TKT: variants seen among roughly 807,000 people sequenced by gnomAD.
The protein encoded by TKT is transketolase, also known as epididymis luminal protein 107.
Under a neutral mutation model 63.9 loss-of-function variants are expected in TKT, and 47 were observed. That is an observed-to-expected ratio of 0.74 (90% CI 0.58 to 0.94). TKT has a LOEUF of 0.94. TKT is among the 40% of genes least tolerant of loss of function. The pLI, the probability that TKT is intolerant of heterozygous loss-of-function variation, is 0.00. For missense variants in TKT, 721 were observed against 846.2 expected (o/e 0.85, Z 1.84); for synonymous variants, 338 against 334.1 (o/e 1.01, Z -0.13).
intron 6 of TKT, chr3:53,232,907 A>C (rs1382476480): frequency 1.5e-5 from 7 of 481,754 alleles, no homozygotes; most frequent in Admixed American, 8.1e-5. Context: ...TCACCCACAG[A>C]CCCTCCAAGT....
rs782568850 is a variant in TKT, at chr3:53,235,009, G to C, written c.603C>G (p.Ile201Met). The change falls in exon 5 of 14, where the codon ATC becomes ATG. Residue 201 changes from isoleucine (I) to methionine (M), a missense_variant. By Grantham distance (10) the Ile-to-Met change is conservative. Transcript: ENST00000462138. ...CGAAGGCCTCGCACCGCTTCTGGTAGATGTCCATCTGGTGCTGCAGTGGGG... is the reference window on the plus strand; with the variant it reads ...CGAAGGCCTCGCACCGCTTCTGGTACATGTCCATCTGGTGCTGCAGTGGGG... ...DPAPLQHQMD[I>M]YQKRCEAFGW... The C allele has an allele frequency of 3.1e-6, 5 of 1,613,810 alleles. No individual in the cohort carries two copies. The South Asian group carries it at 4.4e-5, about 14-fold the overall frequency.
In TKT at chr3:53,231,373, T is replaced by C; in HGVS notation, c.926A>G (p.Tyr309Cys). The change falls in exon 7 of 14, where the codon TAC becomes TGC. Residue 309 changes from tyrosine (Y) to cysteine (C), a missense_variant. Coordinates refer to ENST00000462138, the MANE Select transcript of TKT (RefSeq NM_001064.4). ...ANIRMPSLPS[Y>C]KVGDKIATRK... ...ACTTTGTACCTTGTCCCCAACTTTG[T>C]AGCTGGGCAGGCTGGGCATGCGGAT... 6.2e-7 allele frequency: 1 copy of C among 1,613,538 alleles called. No individual in the cohort carries two copies. Among genetic ancestry groups the C allele is most frequent in the East Asian group, 2.2e-5 (1 of 44,886 alleles).
rs1406480270 is a variant in TKT, at chr3:53,226,678, CAGAT to C, written c.1696+74_1696+77del. 1.1e-5 allele frequency: 17 copies of C among 1,603,052 alleles called. No individual in the cohort carries two copies. In the African/African-American group the frequency reaches 1.5e-4, roughly 14 times the overall value. Reference sequence around the variant, plus strand: ...GGGCCACAGCTGCCCTCCTGGGGCTCAGATAGAAGAGGCACGTCCAACGCTCGGC... The same window carrying C: ...GGGCCACAGCTGCCCTCCTGGGGCTCAGAAGAGGCACGTCCAACGCTCGGC... On this transcript the variant is annotated intron_variant, in intron 13 of 13. Coordinates refer to ENST00000462138, the MANE Select transcript of TKT (RefSeq NM_001064.4).
chr3:53,230,211 A>G (rs1338109484), intron 8 of TKT, among the ~76,000 whole-genome samples: 1 of 152,198 alleles, frequency 6.6e-6, no homozygotes, highest in Non-Finnish European at 1.5e-5. Flanking sequence ...GCTCCTCCTG[A>G]GAGCACCTGC....
At chr3:53,226,963 G>A in intron 12 of TKT, 85 bp from the exon 13 acceptor site, 1 of 1,500,222 alleles carries the variant, frequency 6.7e-7, no homozygotes, top group Non-Finnish European at 9.0e-7. Context: ...GACATCCTGA[G>A]GGCTGCGTGT....
chr3:53,230,851 AG>A (rs1704724695), intron 7 of TKT, among the ~76,000 whole-genome samples: 1 of 152,272 alleles, frequency 6.6e-6, no homozygotes, highest in Non-Finnish European at 1.5e-5. Context: ...TATAAGCTAC[AG>A]AAGACACCCA....
intron 1 of TKT, among the ~76,000 whole-genome samples, chr3:53,245,577 G>A (rs897905251): frequency 7.2e-5 from 11 of 152,034 alleles, no homozygotes; most frequent in Non-Finnish European, 1.6e-4. Flanking sequence ...TGAGGTCAGC[G>A]GCTCAAAGAC....
rs1179292955 is a variant in TKT at position 53,252,605 on chromosome 3, G to GGACACCACAGTAT, written c.107+3218_107+3230dup. On this transcript the variant is annotated intron_variant, in intron 1 of 13. Transcript: ENST00000462138. ...ACAATGTAAACATGGTGTAACTCTC[G>GGACACCACAGTAT]GACACCACAGTATGTTTCCGGAGGG... Among the ~76,000 whole-genome samples, 4 of 152,060 alleles carry GGACACCACAGTAT rather than the reference G, an allele frequency of 2.6e-5. No homozygotes were observed. In the East Asian group the frequency reaches 7.7e-4, roughly 29 times the overall value.
chr3:53,231,880 C>G, intron 6 of TKT: 1 of 341,808 alleles, frequency 2.9e-6, no homozygotes. Context: ...TTCTCTTCCT[C>G]CCCACAACCC....
At chr3:53,232,478 G>A (rs1017099544) in intron 6 of TKT, 1 of 398,832 alleles carries the variant, frequency 2.5e-6, no homozygotes, top group Non-Finnish European at 4.4e-6. Context: ...CAGGCCCTGG[G>A]ATCAGCCCCC....
intron 4 of TKT, among the ~76,000 whole-genome samples, chr3:53,238,896 C>T (rs775981630): frequency 1.3e-5 from 2 of 152,224 alleles, no homozygotes; most frequent in South Asian, 2.1e-4. Flanking sequence ...GGCCTAGCCC[C>T]CAAAGGGCAA....
At chr3:53,226,542 A>G in intron 13 of TKT, 2 of 583,842 alleles carry the variant, frequency 3.4e-6, no homozygotes, top group Non-Finnish European at 2.9e-6. Context: ...GGGCAGCAGG[A>G]GCTCCACAGA....
Position 53,226,346 on chromosome 3 carries a change from C to G in TKT, c.1696+410G>C. 3 of 257,570 alleles carry G rather than the reference C, an allele frequency of 1.2e-5. No homozygotes were observed. The South Asian group carries it at 1.7e-4, about 15-fold the overall frequency. The allele number at this position is 257,570 out of a possible 1,614,324, so 16.0% of individuals were successfully genotyped here. On this transcript the variant is annotated intron_variant, in intron 13 of 13. Transcript: ENST00000462138. Reference sequence around the variant, plus strand: ...TTGACCCCAGAGTCAAAGCCCATCTCTCCCACTGGGGCCTCCTACTTAGAG... The same window carrying G: ...TTGACCCCAGAGTCAAAGCCCATCTGTCCCACTGGGGCCTCCTACTTAGAG...
At chr3:53,243,640 G>C (rs782324971) in intron 1 of TKT, 1 of 456,426 alleles carries the variant, frequency 2.2e-6, no homozygotes. Flanking sequence ...AGGGAGGGGA[G>C]GACATGGTAA....
intron 12 of TKT, 28 bp from the exon 13 acceptor site, chr3:53,226,906 G>A: frequency 6.3e-7 from 1 of 1,577,214 alleles, no homozygotes; most frequent in Non-Finnish European, 8.6e-7. Flanking sequence ...CGGCGTGGCT[G>A]AGGGGAGGGC....
intron 12 of TKT, chr3:53,227,689 T>G: frequency 4.6e-6 from 1 of 219,242 alleles, no homozygotes; most frequent in Non-Finnish European, 9.3e-6. Flanking sequence ...GTATCTCCAT[T>G]TTACAGATAG....
chr3:53,233,313 G>A, intron 5 of TKT, 39 bp from the exon 6 acceptor site: 3 of 1,532,868 alleles, frequency 2.0e-6, no homozygotes, highest in Non-Finnish European at 2.7e-6. Flanking sequence ...CAATTCCCAG[G>A]GGCCACAACA....
chr3:53,253,478 A>T (rs1705845100), intron 1 of TKT, among the ~76,000 whole-genome samples: 1 of 152,108 alleles, frequency 6.6e-6, no homozygotes, highest in African/African-American at 2.4e-5. Flanking sequence ...AGCCAATTAA[A>T]AAAAATGTTT....
intron 1 of TKT, among the ~76,000 whole-genome samples, chr3:53,251,389 C>T (rs1705740640): frequency 6.6e-6 from 1 of 152,138 alleles, no homozygotes; most frequent in African/African-American, 2.4e-5. Context: ...TTTTTAAAGC[C>T]AGGATGAGCT....
Sources: gnomAD v4.1 joint callset for allele counts (sites outside exome capture counted in the v4.1 genomes callset) on GRCh38, gnomAD v4.1.1 for gene constraint, MANE v1.5 for transcripts, NCBI Gene and HGNC (gene_info 2026-07-23, HGNC 2026-07-21) for gene names.